Variants in RIPOR3 observed in about 807,000 individuals in gnomAD.
RIPOR3 encodes the protein family with sequence similarity 65 member C.
Under a neutral mutation model 114.3 loss-of-function variants are expected in RIPOR3, and 95 were observed. That is an observed-to-expected ratio of 0.83 (90% CI 0.70 to 0.99). RIPOR3 has a LOEUF of 0.99. Among genes scored for constraint, RIPOR3 ranks in the 50% least tolerant of loss-of-function variants. The probability of loss-of-function intolerance (pLI) is 0.00; values close to 1 mark genes in which losing one functional copy is unlikely to be tolerated. For synonymous variants in RIPOR3, 575 were observed against 543.8 expected (o/e 1.06, Z -0.80); for missense variants, 1,252 against 1,266.9 (o/e 0.99, Z 0.18).
chr20:50,630,832 G>A lies in RIPOR3; in HGVS notation c.28C>T (p.Arg10Trp), dbSNP rs756540695. The A allele has an allele frequency of 7.5e-6, 12 of 1,607,062 alleles. No homozygotes were observed. The highest frequency in any genetic ancestry group is 1.6e-4 in the Middle Eastern group (1 of 6,080). ...CCTGTGTCCCCAGGGGACAGGAACC[G>A]CAACCTCACCGACATGGTGGTCACC... MVTTMSVRL[R>W]FLSPGDTGAV... Residue 10 changes from arginine to tryptophan, a missense_variant, in exon 2 of 22, where the codon CGG becomes TGG. Physicochemically the swap from Arg to Trp is moderately radical, Grantham distance 101. Coordinates refer to ENST00000327979, the MANE Select transcript of RIPOR3 (RefSeq NM_001290268.2).
chr20:50,664,322 G>T lies in RIPOR3; in HGVS notation c.3+26804C>A, dbSNP rs535114123. Among the ~76,000 whole-genome samples, 11 of 152,330 alleles carry T rather than the reference G, an allele frequency of 7.2e-5. No homozygotes were observed. In the East Asian group the frequency reaches 1.5e-3, roughly 21 times the overall value. ...CGTGAAGCCCAGTGAGATCTCTGTG[G>T]TGGACAAACAGCGTGGCTGCTAGGC... On this transcript the variant is annotated intron_variant, in intron 1 of 21. Transcript: ENST00000327979.
Position 50,691,311 on chromosome 20 carries a change from C to G in RIPOR3, c.-183G>C. 2 of 673,746 alleles carry G rather than the reference C, an allele frequency of 3.0e-6. No homozygotes were observed. Among genetic ancestry groups the G allele is most frequent in the Non-Finnish European group, 4.4e-6 (2 of 454,296 alleles). The allele number at this position is 673,746 out of a possible 1,614,324, so 41.7% of individuals were successfully genotyped here. ...TGGTCCCGCTCTCTGGGAAGATCGC[C>G]TTGAGGACCTGCTGCGCCCCGAGTC... On this transcript the variant is annotated 5_prime_UTR_variant, in exon 1 of 22. Transcript: ENST00000327979.
chr20:50,594,666 C>A lies in RIPOR3; in HGVS notation c.2099G>T (p.Gly700Val). 2 of 1,613,628 alleles carry A rather than the reference C, an allele frequency of 1.2e-6. No individual in the cohort carries two copies. The highest frequency in any genetic ancestry group is 1.7e-6 in the Non-Finnish European group (2 of 1,179,840). The change falls in exon 17 of 22, where the codon GGG becomes GTG. Residue 700 changes from glycine (G) to valine (V), a missense_variant. Transcript: ENST00000327979. ...CAGGACCCTGCCAGGCCCTGTGCAC[C>A]CTCTCCACAGCTTCAGGCACCCCTT... ...RTKGCLKLWRGCTGPGRVLSC... is the reference protein window; with the variant it reads ...RTKGCLKLWRVCTGPGRVLSC...
Position 50,604,657 on chromosome 20 carries a change from C to A in RIPOR3, c.1074G>T (p.Glu358Asp). Residue 358 changes from glutamate to aspartate, a missense_variant, in exon 12 of 22, where the codon GAG (glutamate) becomes GAT (aspartate). Physicochemically the swap from Glu to Asp is conservative, Grantham distance 45 (BLOSUM62 2). Coordinates refer to ENST00000327979, the MANE Select transcript of RIPOR3 (RefSeq NM_001290268.2). ...AAGGCTCACTCACCAGGTAGTATCT[C>A]TCCCGGAAGCTGGGGGTGCTCGGGG... is the stretch of plus-strand genomic sequence containing the variant. ...WTPPSTPSFRERYYLSVLQQP... is the reference protein window; with the variant it reads ...WTPPSTPSFRDRYYLSVLQQP... The A allele has an allele frequency of 6.2e-7, 1 of 1,607,896 alleles. No homozygotes were observed. Among genetic ancestry groups the A allele is most frequent in the East Asian group, 2.3e-5 (1 of 44,318 alleles).
rs79846040 is a variant in RIPOR3 at position 50,608,303 on chromosome 20, G to T, written c.956+86C>A. On this transcript the variant is annotated intron_variant, in intron 11 of 21. Coordinates refer to ENST00000327979, the MANE Select transcript of RIPOR3 (RefSeq NM_001290268.2). ...GCAGGGACACCCTTGGCAGAGGCTG[G>T]TGCAGGAACCCAGGGCCAGAGTGTG... 8,082 of 1,579,398 alleles carry T rather than the reference G, an allele frequency of 5.1e-3. 316 individuals carry two copies. The African/African-American group carries it at 0.092, about 18-fold the overall frequency.
intron 4 of RIPOR3, among the ~76,000 whole-genome samples, chr20:50,612,957 G>A (rs1439683900): frequency 6.6e-6 from 1 of 152,144 alleles, no homozygotes; most frequent in Non-Finnish European, 1.5e-5. Context: ...ACTGGGCATG[G>A]TGGCACACAC....
intron 1 of RIPOR3, among the ~76,000 whole-genome samples, chr20:50,653,557 T>G (rs918271356): frequency 6.6e-6 from 1 of 151,196 alleles, no homozygotes; most frequent in Non-Finnish European, 1.5e-5. Flanking sequence ...TGCCTCAGCC[T>G]CCTGAGATTA....
At chr20:50,589,086 A>G (rs1367590932) in intron 20 of RIPOR3, among the ~76,000 whole-genome samples, 2 of 17,966 alleles carry the variant, frequency 1.1e-4, no homozygotes, top group Admixed American at 4.6e-4. Flanking sequence ...CATCTCAAGA[A>G]AAAAAAAAAA....
At chr20:50,645,989 G>A (rs1184947829) in intron 1 of RIPOR3, 1 of 152,252 alleles carries the variant, frequency 6.6e-6, no homozygotes, top group Non-Finnish European at 1.5e-5. Context: ...CTATTGGAGA[G>A]GGAGACTGTT....
intron 20 of RIPOR3, among the ~76,000 whole-genome samples, chr20:50,589,084 GAAAAAAAAA>G (rs529410533): frequency 6.7e-5 from 6 of 89,524 alleles, no homozygotes; most frequent in African/African-American, 2.3e-4. Flanking sequence ...TCCATCTCAA[GAAAAAAAAA>G]AAAAAAAAAA....
intron 1 of RIPOR3, among the ~76,000 whole-genome samples, chr20:50,688,545 T>TA (rs1162329619): frequency 6.6e-6 from 1 of 152,242 alleles, no homozygotes; most frequent in African/African-American, 2.4e-5. Context: ...CCCGTTCACC[T>TA]AATTCCTGAA....
At chr20:50,668,957 T>C (rs1213177307) in intron 1 of RIPOR3, among the ~76,000 whole-genome samples, 1 of 151,618 alleles carries the variant, frequency 6.6e-6, no homozygotes, top group Admixed American at 6.6e-5. Flanking sequence ...CATGCACACA[T>C]GCCCATGCAT....
At chr20:50,642,676 A>C (rs1600664388) in intron 1 of RIPOR3, among the ~76,000 whole-genome samples, 6 of 143,098 alleles carry the variant, frequency 4.2e-5, no homozygotes, top group African/African-American at 7.8e-5. Flanking sequence ...TCCTGCCTCC[A>C]CCCCTGCTCG....
intron 1 of RIPOR3, among the ~76,000 whole-genome samples, chr20:50,655,234 G>A (rs192674355): frequency 3.3e-5 from 5 of 152,340 alleles, no homozygotes; most frequent in African/African-American, 9.6e-5. Context: ...AAGAGGTTGC[G>A]TTCTCAGGCC....
chr20:50,592,361 T>TA lies in RIPOR3; in HGVS notation c.2559_2560insT (p.Arg854Ter), dbSNP rs1289767349. On this transcript the variant is annotated frameshift_variant, in exon 19 of 22. Coordinates refer to ENST00000327979, the MANE Select transcript of RIPOR3 (RefSeq NM_001290268.2). LOFTEE classifies it high-confidence loss of function. ...CAACGTACCTTTTCCCGGAAGCTTC[T>TA]GTTCCTGACTGCACCAGCCAGGCGA... 2 of 1,580,988 alleles carry TA rather than the reference T, an allele frequency of 1.3e-6. No individual in the cohort carries two copies. Among genetic ancestry groups the TA allele is most frequent in the Admixed American group, 3.5e-5 (2 of 57,306 alleles).
intron 2 of RIPOR3, among the ~76,000 whole-genome samples, chr20:50,628,957 G>A (rs2123234687): frequency 6.6e-6 from 1 of 152,302 alleles, no homozygotes; most frequent in East Asian, 1.9e-4. Flanking sequence ...GGAGCTCAGG[G>A]AGCACACACA....
At chr20:50,666,098 A>G (rs2086181542) in intron 1 of RIPOR3, among the ~76,000 whole-genome samples, 1 of 151,308 alleles carries the variant, frequency 6.6e-6, no homozygotes, top group South Asian at 2.1e-4. Context: ...GTTTATTAAC[A>G]TGACAGTGAA....
rs2083554137 is a variant in RIPOR3 at position 50,602,796 on chromosome 20, A to T, written c.1087-152T>A. 1 of 495,388 alleles carries T rather than the reference A, an allele frequency of 2.0e-6. No individual in the cohort carries two copies. Among genetic ancestry groups the T allele is most frequent in the Middle Eastern group, 5.6e-4 (1 of 1,780 alleles). The allele number at this position is 495,388 out of a possible 1,614,324, so 30.7% of individuals were successfully genotyped here. A position where few individuals can be genotyped will look rare whatever the true frequency, so the allele number is the denominator to read the frequency against. On this transcript the variant is annotated intron_variant, in intron 12 of 21. Transcript: ENST00000327979. This position sits in a 1 kb window ranked among gnomAD's most constrained non-coding sequence, Gnocchi z 4.3. The stretch of plus-strand genomic sequence containing the variant: ...GAGGTGACCAGCATCCCAGAGGTGC[A>T]GAAAAAACCCTGTCCCCTCTCTGCA...
Position 50,616,047 on chromosome 20 carries a change from G to A in RIPOR3, c.303C>T (p.Asp101=), listed in dbSNP as rs756170191. ...EYLCVQQAEL[D]HLSGRHKDTR... is the part of the protein sequence containing the mutation. ...TGTCTTTGTGGCGTCCAGACAGGTG[G>A]TCCAGCTCAGCCTGCTGCACACACA... is the stretch of plus-strand genomic sequence containing the variant. The change falls in exon 4 of 22, where the codon GAC becomes GAT. Residue 101 remains aspartate (D), a synonymous_variant. Transcript: ENST00000327979. The A allele has an allele frequency of 5.6e-6, 9 of 1,611,860 alleles. No individual in the cohort carries two copies. The highest frequency in any genetic ancestry group is 5.9e-6 in the Non-Finnish European group (7 of 1,179,250).
Sources: gnomAD v4.1 joint callset for allele counts (sites outside exome capture counted in the v4.1 genomes callset) on GRCh38, gnomAD v4.1.1 for gene constraint, Gnocchi (gnomAD v3.1) non-coding constraint, MANE v1.5 for transcripts, NCBI Gene and HGNC (gene_info 2026-07-23, HGNC 2026-07-21) for gene names.